Variants in AMACR observed in about 807,000 individuals in gnomAD.
The protein encoded by AMACR is 2-methylacyl-CoA racemase.
In AMACR, 18 loss-of-function variants were observed where a neutral mutation model predicts 22.2. The ratio of observed to expected loss-of-function variants is 0.81; its 90% CI spans 0.56 to 1.20. The LOEUF is 1.20. Among genes scored for constraint, AMACR ranks in the 50% most tolerant of loss-of-function variants. The pLI, the probability that AMACR is intolerant of heterozygous loss-of-function variation, is 0.00. For synonymous variants in AMACR, 213 were observed against 191.3 expected, an observed-to-expected ratio of 1.11 and a Z score of -0.94; for missense variants, 499 against 490.6, an observed-to-expected ratio of 1.02 and a Z score of -0.16.
At position 33,989,146 on chromosome 5, in the gene AMACR, G is replaced by A. The variant is rs1753388852; in HGVS notation, c.1096C>T (p.Gln366Ter). The change falls in exon 5 of 5, where the codon CAG (glutamine) becomes TAG (stop). Residue 366 changes from glutamine to a stop codon, truncating the protein, a stop_gained. Coordinates refer to ENST00000335606, the MANE Select transcript of AMACR (RefSeq NM_014324.6). LOFTEE classifies it low-confidence loss of function (END_TRUNC). Reference sequence around the variant, plus strand: ...TCAATGATTTTATCTGAGTTAAGCTGATAAATCTCTTCGCGGCTGAATCCA... The same window carrying A: ...TCAATGATTTTATCTGAGTTAAGCTAATAAATCTCTTCGCGGCTGAATCCA... ...EFGFSREEIY[Q>*]LNSDKIIESN... is the part of the protein sequence containing the mutation. The A allele has an allele frequency of 6.2e-7, 1 of 1,614,174 alleles. No individual in the cohort carries two copies. Among genetic ancestry groups the A allele is most frequent in the Non-Finnish European group, 8.5e-7 (1 of 1,180,034 alleles).
chr5:33,997,174 T>C, intron 4 of AMACR: 1 of 747,214 alleles, frequency 1.3e-6, no homozygotes, highest in South Asian at 1.4e-5. Flanking sequence ...AATTCTGCTG[T>C]TTTGTCATAC....
chr5:33,989,464 T>C lies in AMACR; in HGVS notation c.778A>G (p.Ser260Gly). 1 of 1,614,234 alleles carries C rather than the reference T, an allele frequency of 6.2e-7. No homozygotes were observed. The highest frequency in any genetic ancestry group is 8.5e-7 in the Non-Finnish European group (1 of 1,180,036). ...TTCATTTCTGGCCAATCATCCATGC[T>C]CATCTGATTGGGAAGTTCATCAGAC... is the stretch of plus-strand genomic sequence containing the variant. Reference protein sequence around the residue: ...LKSDELPNQMSMDDWPEMKKK... With the variant: ...LKSDELPNQMGMDDWPEMKKK... The change falls in exon 5 of 5, where the codon AGC becomes GGC. Residue 260 changes from serine (S) to glycine (G), a missense_variant. Ser to Gly is a moderately conservative substitution (Grantham distance 56). Transcript: ENST00000335606.
At chr5:33,998,943 G>A (rs1413931436) in intron 3 of AMACR, 116 bp from the exon 4 acceptor site, 15 of 909,660 alleles carry the variant, frequency 1.6e-5, no homozygotes, top group South Asian at 2.9e-5. Context: ...TAGAGTATAC[G>A]AAGATTCTAC....
At chr5:33,997,593 G>A (rs1561041438) in intron 4 of AMACR, 1 of 750,616 alleles carries the variant, frequency 1.3e-6, no homozygotes, top group East Asian at 2.4e-5. Context: ...AGTGTTCATG[G>A]CTCCACAGAG....
intron 1 of AMACR, among the ~76,000 whole-genome samples, chr5:34,007,029 T>A (rs937456182): frequency 4.6e-5 from 7 of 152,154 alleles, no homozygotes; most frequent in African/African-American, 1.7e-4. Context: ...ATCATTGAAA[T>A]TGGATGTGAA....
At chr5:33,997,413 G>A (rs1470962725) in intron 4 of AMACR, 1 of 777,832 alleles carries the variant, frequency 1.3e-6, no homozygotes, top group Non-Finnish European at 2.4e-6. Context: ...AAAACCCCAT[G>A]ACTTGGGCTG....
intron 4 of AMACR, chr5:33,994,173 T>C (rs561415848): frequency 2.4e-6 from 1 of 416,756 alleles, no homozygotes; most frequent in Non-Finnish European, 4.8e-6. Context: ...ACCTCAAAAA[T>C]TATTACTATT....
In AMACR at chr5:33,988,160, G is replaced by A. The variant is rs1389470362; in HGVS notation, c.*933C>T. The A allele has an allele frequency of 4.6e-6, 3 of 653,494 alleles. No homozygotes were observed. The highest frequency in any genetic ancestry group is 7.7e-6 in the Non-Finnish European group (3 of 392,090). 40.5% of individuals were successfully genotyped at this position (653,494 alleles called of 1,614,324 possible). On this transcript the variant is annotated 3_prime_UTR_variant, in exon 5 of 5. Transcript: ENST00000335606. ...CTACCCCTTCCTCACATGCCTTTAG[G>A]AAGTTGAGTCCAGGGAAGCTCCAGG...
chr5:33,989,560 A>G, intron 4 of AMACR, 58 bp from the exon 5 acceptor site: 1 of 1,382,202 alleles, frequency 7.2e-7, no homozygotes, highest in Admixed American at 1.7e-5. Context: ...ATTATAATCA[A>G]TAAAAATGAA....
chr5:34,002,824 T>C (rs1270097774), intron 3 of AMACR, among the ~76,000 whole-genome samples: 2 of 152,170 alleles, frequency 1.3e-5, no homozygotes, highest in Non-Finnish European at 2.9e-5. Flanking sequence ...CACACTCCCC[T>C]GCTGCTGGTA....
chr5:33,991,713 T>C (rs923613907), intron 4 of AMACR, among the ~76,000 whole-genome samples: 2 of 147,118 alleles, frequency 1.4e-5, no homozygotes, highest in Non-Finnish European at 3.0e-5. Context: ...AGGATGGCAA[T>C]TGTAAACACT....
chr5:34,003,232 C>G (rs574013104), intron 3 of AMACR, among the ~76,000 whole-genome samples: 1 of 152,070 alleles, frequency 6.6e-6, no homozygotes. Flanking sequence ...CATATGGCTC[C>G]CAAATAACTC....
In AMACR at chr5:33,988,551, A is replaced by G; in HGVS notation, c.*542T>C. ...TCAGTTGAAGGCATTCTGATTCAATACAGGTGAAACTTTTCTTTGCAAATT... is the reference window on the plus strand; with the variant it reads ...TCAGTTGAAGGCATTCTGATTCAATGCAGGTGAAACTTTTCTTTGCAAATT... On this transcript the variant is annotated 3_prime_UTR_variant, in exon 5 of 5. Coordinates refer to ENST00000335606, the MANE Select transcript of AMACR (RefSeq NM_014324.6). The G allele has an allele frequency of 7.3e-7, 1 of 1,378,162 alleles. No homozygotes were observed. Among genetic ancestry groups the G allele is most frequent in the Non-Finnish European group, 9.4e-7 (1 of 1,069,440 alleles). 85.4% of individuals were successfully genotyped at this position (1,378,162 alleles called of 1,614,324 possible). A position where few individuals can be genotyped will look rare whatever the true frequency, so the allele number is the denominator to read the frequency against.
At chr5:34,000,674 A>C (rs1753790091) in intron 3 of AMACR, among the ~76,000 whole-genome samples, 1 of 152,044 alleles carries the variant, frequency 6.6e-6, no homozygotes, top group African/African-American at 2.4e-5. Context: ...TTGCGTAAAA[A>C]CTATGGATAT....
At chr5:33,998,400 G>A (rs1753706494) in intron 4 of AMACR, among the ~76,000 whole-genome samples, 2 of 151,976 alleles carry the variant, frequency 1.3e-5, no homozygotes, top group Non-Finnish European at 2.9e-5. Flanking sequence ...TAAAAGCACC[G>A]AACATCCTAC....
At chr5:33,998,492 G>A in intron 4 of AMACR, 149 bp downstream of exon 4, 1 of 711,944 alleles carries the variant, frequency 1.4e-6, no homozygotes. Context: ...CATGGAAAAT[G>A]CCCCACATTA....
intron 3 of AMACR, among the ~76,000 whole-genome samples, chr5:34,003,503 C>T (rs1465162147): frequency 1.3e-5 from 2 of 152,144 alleles, no homozygotes; most frequent in Non-Finnish European, 2.9e-5. Flanking sequence ...AACTACAGCA[C>T]AGAGAGGTTA....
chr5:33,997,741 A>G (rs1289582180), intron 4 of AMACR: 1 of 553,614 alleles, frequency 1.8e-6, no homozygotes. Flanking sequence ...AGTTTTTCCA[A>G]CTATATTTGA....
chr5:34,002,043 C>G (rs543017766), intron 3 of AMACR, among the ~76,000 whole-genome samples: 1 of 152,320 alleles, frequency 6.6e-6, no homozygotes, highest in Non-Finnish European at 1.5e-5. Flanking sequence ...GTCACCCAGG[C>G]TGAAGTGTAG....
Sources: gnomAD v4.1 joint callset for allele counts (sites outside exome capture counted in the v4.1 genomes callset) on GRCh38, gnomAD v4.1.1 for gene constraint, MANE v1.5 for transcripts, NCBI Gene and HGNC (gene_info 2026-07-23, HGNC 2026-07-21) for gene names.